Variants in GRIN2A observed in about 807,000 individuals in gnomAD.
GRIN2A encodes glutamate ionotropic receptor NMDA type subunit 2A.
In GRIN2A, 22 loss-of-function variants were observed where a neutral mutation model predicts 113.4. The ratio of observed to expected loss-of-function variants is 0.19; its 90% CI spans 0.14 to 0.28. The LOEUF is 0.28. Among genes scored for constraint, GRIN2A ranks in the 10% least tolerant of loss-of-function variants. GRIN2A has a pLI of 1.00. For synonymous variants in GRIN2A, 827 were observed against 738.4 expected, an observed-to-expected ratio of 1.12 and a Z score of -1.94; for missense variants, 1,502 against 1,887.0, an observed-to-expected ratio of 0.80 and a Z score of 3.78.
At chr16:9,964,003 T>A (rs1023820499) in intron 2 of GRIN2A, among the ~76,000 whole-genome samples, 1 of 152,108 alleles carries the variant, frequency 6.6e-6, no homozygotes, top group Non-Finnish European at 1.5e-5. Context: ...GTAAGTGCTG[T>A]GATAGGGCAT....
chr16:9,994,871 G>C (rs990895265), intron 2 of GRIN2A, among the ~76,000 whole-genome samples: 3 of 152,136 alleles, frequency 2.0e-5, no homozygotes, highest in Non-Finnish European at 4.4e-5. Flanking sequence ...CTTGATGATG[G>C]TGAATAAGCA....
chr16:9,769,229 T>C, intron 11 of GRIN2A, 140 bp from the exon 12 acceptor site: 1 of 712,356 alleles, frequency 1.4e-6, no homozygotes, highest in Middle Eastern at 3.2e-4. Flanking sequence ...TGGGTTTCCA[T>C]TTGCTCACTT....
intron 4 of GRIN2A, among the ~76,000 whole-genome samples, chr16:9,875,885 C>T (rs2043355372): frequency 1.3e-5 from 2 of 152,130 alleles, no homozygotes; most frequent in Non-Finnish European, 2.9e-5. Context: ...GCCATGTGCA[C>T]CTCTCCTGTT....
Position 9,938,544 on chromosome 16 carries a change from G to A in GRIN2A, c.422C>T (p.Thr141Met), listed in dbSNP as rs78631453. 2,407 of 1,603,046 alleles carry A rather than the reference G, an allele frequency of 1.5e-3. 7 individuals are homozygous for A. The highest frequency in any genetic ancestry group is 1.7e-3 in the Non-Finnish European group (2,056 of 1,179,384). ...ASMIMADKDPTSTFFQFGASI... is the reference protein window; with the variant it reads ...ASMIMADKDPMSTFFQFGASI... ...CGCTCCAAACTGGAAGAAGGTAGAC[G>A]TCGGATCCTGCCAGTGAAAAGAAAG... The change falls in exon 3 of 13, where the codon ACG (threonine) becomes ATG (methionine). Residue 141 changes from threonine to methionine, a missense_variant. Physicochemically the swap from Thr to Met is moderately conservative, Grantham distance 81 (BLOSUM62 -1). This residue lies in a region of GRIN2A where 334 missense variants were observed against 403.0 expected (regional missense o/e 0.83). Transcript: ENST00000330684.
At chr16:10,173,249 A>T (rs2050079041) in intron 2 of GRIN2A, among the ~76,000 whole-genome samples, 1 of 152,150 alleles carries the variant, frequency 6.6e-6, no homozygotes, top group Non-Finnish European at 1.5e-5. Flanking sequence ...CTCCACCAAC[A>T]TTCCGATCTG....
At chr16:9,970,003 C>T (rs989481925) in intron 2 of GRIN2A, among the ~76,000 whole-genome samples, 3 of 152,176 alleles carry the variant, frequency 2.0e-5, no homozygotes, top group South Asian at 2.1e-4. Flanking sequence ...ACACACTCTC[C>T]GTGTGAATCT....
At chr16:9,974,105 T>G (rs1403649837) in intron 2 of GRIN2A, among the ~76,000 whole-genome samples, 1 of 152,204 alleles carries the variant, frequency 6.6e-6, no homozygotes, top group Non-Finnish European at 1.5e-5. Context: ...AGGGTATTAA[T>G]GTACAGATGC....
intron 10 of GRIN2A, among the ~76,000 whole-genome samples, chr16:9,814,257 A>C (rs1407811231): frequency 1.3e-5 from 2 of 152,220 alleles, no homozygotes; most frequent in East Asian, 3.8e-4. Context: ...CCTAGGTGGC[A>C]TTTCCAAGTG....
intron 2 of GRIN2A, among the ~76,000 whole-genome samples, chr16:10,015,249 T>A (rs1298523296): frequency 7.5e-4 from 5 of 6,672 alleles, no homozygotes; most frequent in African/African-American, 1.9e-3. Flanking sequence ...CAAGACTTCA[T>A]CTCAAAAAAA....
chr16:9,794,825 T>G (rs990516802), intron 11 of GRIN2A: 5 of 152,206 alleles, frequency 3.3e-5, no homozygotes, highest in Admixed American at 1.3e-4. Context: ...AAAAGTTGTT[T>G]CTGTGTTACT....
intron 4 of GRIN2A, among the ~76,000 whole-genome samples, chr16:9,862,919 G>A (rs762550165): frequency 3.3e-5 from 5 of 152,096 alleles, no homozygotes; most frequent in African/African-American, 4.8e-5. Flanking sequence ...AACAATTAAC[G>A]AGTATAATTG....
rs202177740 is a variant in GRIN2A at position 9,785,724 on chromosome 16, TA to T, written c.2356+12552del. Among the ~76,000 whole-genome samples the T allele has an allele frequency of 5.4e-3, 827 of 151,818 alleles. 12 individuals carry two copies. The highest frequency in any genetic ancestry group is 0.019 in the African/African-American group (785 of 41,412). ...ACTAGATAAAAAGTATAAGTTTCAA[TA>T]AAAAAAACCCTTAATGTGTATTAGA... On this transcript the variant is annotated intron_variant, in intron 11 of 12. Transcript: ENST00000330684.
intron 4 of GRIN2A, among the ~76,000 whole-genome samples, chr16:9,856,380 G>T: frequency 6.6e-6 from 1 of 152,040 alleles, no homozygotes. Flanking sequence ...CAGCACTTTG[G>T]GAGGCTGAGG....
intron 2 of GRIN2A, among the ~76,000 whole-genome samples, chr16:10,035,769 G>A (rs984471317): frequency 1.3e-5 from 2 of 151,246 alleles, no homozygotes; most frequent in African/African-American, 4.9e-5. Flanking sequence ...TGTCACCCAG[G>A]CTGGAGTGCA....
chr16:9,959,411 G>C (rs2045383512), intron 2 of GRIN2A, among the ~76,000 whole-genome samples: 1 of 152,164 alleles, frequency 6.6e-6, no homozygotes, highest in African/African-American at 2.4e-5. Flanking sequence ...GCTCATAATA[G>C]GCTTGTAGGT....
intron 2 of GRIN2A, among the ~76,000 whole-genome samples, chr16:10,127,564 G>A (rs1450367882): frequency 6.6e-6 from 1 of 152,080 alleles, no homozygotes; most frequent in Non-Finnish European, 1.5e-5. Context: ...TAGCATCATG[G>A]TATATTTATA....
intron 3 of GRIN2A, among the ~76,000 whole-genome samples, chr16:9,923,092 T>C (rs1012553418): frequency 3.3e-5 from 5 of 152,174 alleles, no homozygotes; most frequent in African/African-American, 1.2e-4. Flanking sequence ...ACTATAATTA[T>C]GAATTTATTT....
intron 2 of GRIN2A, among the ~76,000 whole-genome samples, chr16:10,009,915 C>G (rs920558923): frequency 3.3e-5 from 5 of 152,172 alleles, no homozygotes; most frequent in African/African-American, 9.7e-5. Flanking sequence ...CAGAGACAGG[C>G]CGGATGATGG....
At chr16:10,011,437 C>T (rs538819059) in intron 2 of GRIN2A, among the ~76,000 whole-genome samples, 9 of 152,128 alleles carry the variant, frequency 5.9e-5, no homozygotes, top group Non-Finnish European at 1.0e-4. Flanking sequence ...TTCCTTTTGC[C>T]TTGGTGGGTC....
Sources: gnomAD v4.1 joint callset for allele counts (sites outside exome capture counted in the v4.1 genomes callset) on GRCh38, gnomAD v4.1.1 for gene constraint, gnomAD v4.1.1 regional missense constraint, MANE v1.5 for transcripts, NCBI Gene and HGNC (gene_info 2026-07-23, HGNC 2026-07-21) for gene names.